Variants in CDH12 observed in about 807,000 individuals in gnomAD.
CDH12 encodes cadherin-12.
CDH12 carries 41 observed loss-of-function variants against 74.1 expected under a neutral mutation model. That is an observed-to-expected ratio of 0.55 (90% CI 0.43 to 0.72). The LOEUF is 0.72. CDH12 is among the 30% of genes least tolerant of loss of function. The pLI is 0.00. For synonymous variants in CDH12, 399 were observed against 355.0 expected, an observed-to-expected ratio of 1.12 and a Z score of -1.39; for missense variants, 945 against 977.2, an observed-to-expected ratio of 0.97 and a Z score of 0.44.
At chr5:22,165,588 T>C (rs1748638213) in intron 4 of CDH12, among the ~76,000 whole-genome samples, 1 of 152,118 alleles carries the variant, frequency 6.6e-6, no homozygotes. Flanking sequence ...GTTTTTTCCT[T>C]ATGTCAGAGG....
intron 3 of CDH12, among the ~76,000 whole-genome samples, chr5:22,283,217 G>GAT (rs1309819565): frequency 5.1e-5 from 4 of 78,106 alleles, no homozygotes; most frequent in African/African-American, 3.0e-4. Context: ...TATATATATA[G>GAT]ATATATATAT....
At chr5:22,460,637 C>CA (rs1554042485) in intron 2 of CDH12, among the ~76,000 whole-genome samples, 1 of 149,190 alleles carries the variant, frequency 6.7e-6, no homozygotes, top group Non-Finnish European at 1.5e-5. Context: ...CTGGGAAATG[C>CA]AAATGTTATA....
intron 5 of CDH12, among the ~76,000 whole-genome samples, chr5:22,024,297 T>C (rs1738195352): frequency 6.6e-6 from 1 of 152,148 alleles, no homozygotes; most frequent in Non-Finnish European, 1.5e-5. Context: ...TAAAACTGCT[T>C]ATGCTTTTTT....
intron 2 of CDH12, among the ~76,000 whole-genome samples, chr5:22,417,896 C>T (rs1158114081): frequency 1.3e-5 from 2 of 152,126 alleles, no homozygotes; most frequent in South Asian, 2.1e-4. Flanking sequence ...TTGAATAGAT[C>T]TGTTGCTATT....
chr5:22,610,357 T>A (rs1260359444), intron 1 of CDH12, among the ~76,000 whole-genome samples: 1 of 152,160 alleles, frequency 6.6e-6, no homozygotes, highest in African/African-American at 2.4e-5. Context: ...TTTATAATAT[T>A]TAGGAAGTTT....
chr5:22,689,489 A>C (rs1741972700), intron 1 of CDH12, among the ~76,000 whole-genome samples: 1 of 152,192 alleles, frequency 6.6e-6, no homozygotes, highest in African/African-American at 2.4e-5. Context: ...CAAATAGCAA[A>C]ATAAAAATGA....
intron 3 of CDH12, among the ~76,000 whole-genome samples, chr5:22,234,007 C>T (rs2150376686): frequency 6.6e-6 from 1 of 152,098 alleles, no homozygotes; most frequent in East Asian, 1.9e-4. Context: ...CTTATGTGTA[C>T]ATTTTCAAAG....
intron 1 of CDH12, among the ~76,000 whole-genome samples, chr5:22,577,561 A>G (rs1318567670): frequency 1.3e-5 from 2 of 151,886 alleles, no homozygotes; most frequent in Non-Finnish European, 2.9e-5. Context: ...GTGTAGGCTG[A>G]GGTGAGGAGG....
At chr5:22,091,042 T>C (rs1743391059) in intron 4 of CDH12, among the ~76,000 whole-genome samples, 1 of 151,832 alleles carries the variant, frequency 6.6e-6, no homozygotes, top group Non-Finnish European at 1.5e-5. Flanking sequence ...TACACTCTCC[T>C]CGTGTCTTTA....
At chr5:22,681,228 G>GGGGGGTGT (rs1428206303) in intron 1 of CDH12, among the ~76,000 whole-genome samples, 1 of 105,754 alleles carries the variant, frequency 9.5e-6, no homozygotes, top group African/African-American at 3.1e-5. Flanking sequence ...GGTATTGGGG[G>GGGGGGTGT]GTGTGTGTGT....
chr5:22,791,304 T>C (rs1217262478), intron 1 of CDH12, among the ~76,000 whole-genome samples: 1 of 152,104 alleles, frequency 6.6e-6, no homozygotes, highest in Non-Finnish European at 1.5e-5. Flanking sequence ...CTGCCACCAA[T>C]TAAAAGATTC....
chr5:22,064,021 AAACAC>A (rs1741385971), intron 5 of CDH12, among the ~76,000 whole-genome samples: 3 of 145,422 alleles, frequency 2.1e-5, no homozygotes, highest in East Asian at 2.0e-4. Flanking sequence ...ACACACACAC[AAACAC>A]ACACACACAC....
chr5:21,783,320 C>G (rs1579693200), intron 11 of CDH12, 38 bp downstream of exon 11: 3 of 1,577,640 alleles, frequency 1.9e-6, no homozygotes, highest in Non-Finnish European at 2.6e-6. Flanking sequence ...ATCCAAAGAA[C>G]TGCAGTATAA....
chr5:22,498,204 C>T (rs1747185029), intron 2 of CDH12, among the ~76,000 whole-genome samples: 1 of 152,174 alleles, frequency 6.6e-6, no homozygotes, highest in African/African-American at 2.4e-5. Context: ...CTGTACAACA[C>T]AGAAACTTCC....
intron 6 of CDH12, among the ~76,000 whole-genome samples, chr5:21,862,706 G>A (rs1359907384): frequency 6.6e-6 from 1 of 151,990 alleles, no homozygotes; most frequent in Non-Finnish European, 1.5e-5. Flanking sequence ...TATTTCCATT[G>A]GAAGTATTAA....
intron 1 of CDH12, among the ~76,000 whole-genome samples, chr5:22,556,462 G>T (rs900836739): frequency 6.6e-6 from 1 of 152,034 alleles, no homozygotes; most frequent in African/African-American, 2.4e-5. Context: ...TCAAGAACCA[G>T]CCATGAGTCT....
At chr5:22,290,862 A>T (rs1204997266) in intron 3 of CDH12, among the ~76,000 whole-genome samples, 1 of 152,158 alleles carries the variant, frequency 6.6e-6, no homozygotes, top group Non-Finnish European at 1.5e-5. Flanking sequence ...AGCGGTAATA[A>T]AAAGTCCCCC....
At chr5:22,431,885 A>C in intron 2 of CDH12, among the ~76,000 whole-genome samples, 1 of 152,324 alleles carries the variant, frequency 6.6e-6, no homozygotes, top group Non-Finnish European at 1.5e-5. Context: ...TAGAAAAGTT[A>C]AAAAATAAAT....
intron 1 of CDH12, among the ~76,000 whole-genome samples, chr5:22,592,903 G>A (rs948374211): frequency 3.3e-5 from 5 of 151,708 alleles, no homozygotes; most frequent in East Asian, 1.9e-4. Context: ...GGTGGCATGC[G>A]CCTGTAGTCC....
Sources: allele counts gnomAD v4.1 joint callset (sites outside exome capture counted in the v4.1 genomes callset), GRCh38; gene constraint gnomAD v4.1.1; transcripts MANE v1.5; gene names NCBI Gene and HGNC (gene_info 2026-07-23, HGNC 2026-07-21).